SPAG16: variants seen among roughly 807,000 people sequenced by gnomAD.
SPAG16 encodes sperm-associated antigen 16 protein.
Under a neutral mutation model 80.4 loss-of-function variants are expected in SPAG16, and 86 were observed. The ratio of observed to expected loss-of-function variants is 1.07; its 90% CI spans 0.90 to 1.28. The LOEUF (loss-of-function observed/expected upper bound fraction) is 1.28. SPAG16 is among the 50% of genes most tolerant of loss of function. The pLI is 0.00. For synonymous variants in SPAG16, 294 were observed against 265.9 expected, an observed-to-expected ratio of 1.11 and a Z score of -1.03; for missense variants, 870 against 765.3, an observed-to-expected ratio of 1.14 and a Z score of -1.61.
chr2:213,535,046 A>C (rs116789422), intron 10 of SPAG16, among the ~76,000 whole-genome samples: 1 of 152,130 alleles, frequency 6.6e-6, no homozygotes, highest in African/African-American at 2.4e-5. Context: ...CTAACATTTG[A>C]TCTTGAATTT....
chr2:213,787,510 G>C (rs1282003808), intron 10 of SPAG16, among the ~76,000 whole-genome samples: 1 of 152,086 alleles, frequency 6.6e-6, no homozygotes, highest in Non-Finnish European at 1.5e-5. Flanking sequence ...ATTTGGTGAG[G>C]TGAGCTTGGA....
intron 15 of SPAG16, among the ~76,000 whole-genome samples, chr2:214,237,629 T>C (rs1291534084): frequency 6.6e-6 from 1 of 152,112 alleles, no homozygotes; most frequent in Non-Finnish European, 1.5e-5. Flanking sequence ...AATATTTTGT[T>C]GATTCAATTT....
At chr2:213,592,604 G>T (rs1045028947) in intron 10 of SPAG16, among the ~76,000 whole-genome samples, 1 of 152,112 alleles carries the variant, frequency 6.6e-6, no homozygotes, top group African/African-American at 2.4e-5. Context: ...TGACTCCTTA[G>T]TCCCTTTTAG....
chr2:214,070,728 A>G (rs1012816785), intron 13 of SPAG16, among the ~76,000 whole-genome samples: 1 of 152,086 alleles, frequency 6.6e-6, no homozygotes, highest in Non-Finnish European at 1.5e-5. Context: ...AGTTTCTAAC[A>G]TATAACCACC....
intron 10 of SPAG16, among the ~76,000 whole-genome samples, chr2:213,843,679 C>G (rs573323588): frequency 6.6e-6 from 1 of 151,336 alleles, no homozygotes; most frequent in African/African-American, 2.5e-5. Context: ...GGTGCAAACG[C>G]GTCTCTACTA....
intron 13 of SPAG16, among the ~76,000 whole-genome samples, chr2:214,075,442 G>A (rs1424313089): frequency 4.6e-5 from 7 of 152,002 alleles, no homozygotes; most frequent in East Asian, 3.9e-4. Flanking sequence ...GATAGTTATT[G>A]AGAAAGGGCA....
At chr2:213,954,593 A>G (rs2044022275) in intron 12 of SPAG16, among the ~76,000 whole-genome samples, 1 of 152,038 alleles carries the variant, frequency 6.6e-6, no homozygotes, top group Non-Finnish European at 1.5e-5. Context: ...GGTTTGCTGC[A>G]CCTATCAACC....
At chr2:214,354,443 G>C (rs887938999) in intron 15 of SPAG16, among the ~76,000 whole-genome samples, 1 of 152,100 alleles carries the variant, frequency 6.6e-6, no homozygotes, top group Non-Finnish European at 1.5e-5. Flanking sequence ...GATGCCTCCA[G>C]CTTTGTTCTT....
At chr2:214,105,698 C>T (rs1310722033) in intron 13 of SPAG16, among the ~76,000 whole-genome samples, 5 of 152,056 alleles carry the variant, frequency 3.3e-5, no homozygotes, top group Non-Finnish European at 4.4e-5. Flanking sequence ...TGAAAGACAA[C>T]TATTCTGACA....
chr2:213,872,134 A>C (rs1288090294), intron 11 of SPAG16, among the ~76,000 whole-genome samples: 2 of 152,140 alleles, frequency 1.3e-5, no homozygotes, highest in African/African-American at 4.8e-5. Flanking sequence ...TTGATTATCT[A>C]GGTTGACCCA....
At chr2:214,122,853 A>T (rs1284352215) in intron 14 of SPAG16, among the ~76,000 whole-genome samples, 3 of 151,960 alleles carry the variant, frequency 2.0e-5, no homozygotes, top group African/African-American at 7.2e-5. Flanking sequence ...AATTGGAAAC[A>T]ACAATAGAAT....
intron 9 of SPAG16, among the ~76,000 whole-genome samples, chr2:213,443,082 G>C (rs1350399697): frequency 6.6e-6 from 1 of 152,016 alleles, no homozygotes; most frequent in East Asian, 1.9e-4. Context: ...ATACTGTTTT[G>C]ATATATATTA....
chr2:213,353,212 C>G (rs62192313), intron 7 of SPAG16, among the ~76,000 whole-genome samples: 5,932 of 152,268 alleles, frequency 0.039, 175 homozygotes, highest in Non-Finnish European at 0.059. Context: ...ACACACCTTG[C>G]TAAATCCATG....
At chr2:214,087,161 G>C (rs1419603993) in intron 13 of SPAG16, among the ~76,000 whole-genome samples, 1 of 152,044 alleles carries the variant, frequency 6.6e-6, no homozygotes, top group Non-Finnish European at 1.5e-5. Flanking sequence ...TTATATAAAG[G>C]CTCCCATTCT....
At chr2:213,978,900 C>T (rs550304604) in intron 12 of SPAG16, among the ~76,000 whole-genome samples, 5 of 151,508 alleles carry the variant, frequency 3.3e-5, no homozygotes, top group Non-Finnish European at 7.4e-5. Flanking sequence ...CACAGGACTT[C>T]CTATAAGAAA....
chr2:213,375,670 A>G (rs1158294176), intron 9 of SPAG16, among the ~76,000 whole-genome samples: 1 of 152,042 alleles, frequency 6.6e-6, no homozygotes, highest in African/African-American at 2.4e-5. Context: ...ACCTGTGAAG[A>G]GTTTAGTTTA....
At chr2:213,311,945 T>TA (rs1272026417) in intron 4 of SPAG16, among the ~76,000 whole-genome samples, 3 of 151,466 alleles carry the variant, frequency 2.0e-5, no homozygotes, top group Admixed American at 6.6e-5. Flanking sequence ...TAAAATTTGA[T>TA]ATAGGTTCTT....
chr2:213,299,155 T>G (rs1384794507), intron 3 of SPAG16, among the ~76,000 whole-genome samples: 1 of 152,196 alleles, frequency 6.6e-6, no homozygotes, highest in Non-Finnish European at 1.5e-5. Flanking sequence ...AAATTTTCAT[T>G]GAAGATTGCA....
rs114509242 is a variant in SPAG16 at position 213,701,308 on chromosome 2, C to T, written c.1071-161177C>T. Among the ~76,000 whole-genome samples the T allele has an allele frequency of 4.6e-3, 693 of 152,256 alleles. 3 individuals carry two copies. Among genetic ancestry groups the T allele is most frequent in the African/African-American group, 0.014 (601 of 41,546 alleles). ...AAGGGGATACTACAGTCTGTAAGGA[C>T]GTAGGAGTCTCAAAAATCATTTGAG... On this transcript the variant is annotated intron_variant, in intron 10 of 15. Transcript: ENST00000331683.
Sources: allele counts gnomAD v4.1 joint callset (sites outside exome capture counted in the v4.1 genomes callset), GRCh38; gene constraint gnomAD v4.1.1; transcripts MANE v1.5; gene names NCBI Gene and HGNC (gene_info 2026-07-23, HGNC 2026-07-21).